The following LGSN variants were observed in gnomAD, a reference collection of about 807,000 sequenced individuals.
LGSN encodes the protein lengsin, lens protein with glutamine synthetase domain.
Under a neutral mutation model 19.5 loss-of-function variants are expected in LGSN, and 21 were observed. The ratio of observed to expected loss-of-function variants is 1.07; its 90% CI spans 0.76 to 1.55. LGSN has a LOEUF of 1.55. Ranked by LOEUF, LGSN falls within the 40% of genes most tolerant of loss-of-function variation. LGSN has a pLI of 0.00. For synonymous variants in LGSN, 257 were observed against 215.6 expected, an observed-to-expected ratio of 1.19 and a Z score of -1.68; for missense variants, 673 against 608.5, an observed-to-expected ratio of 1.11 and a Z score of -1.12.
chr6:63,500,921 T>C, the LGSN span, among the ~76,000 whole-genome samples: 4 of 151,590 alleles, frequency 2.6e-5, no homozygotes, highest in African/African-American at 9.7e-5. Context: ...AGAGAAGGGA[T>C]TTTGCCATGT....
chr6:63,293,618 C>T (rs377671434), intron 2 of LGSN: 3 of 405,386 alleles, frequency 7.4e-6, no homozygotes, highest in Non-Finnish European at 1.5e-5. Context: ...GGGTTAGTGG[C>T]TAGAACCACA....
At chr6:63,351,299 GCTTT>G in the LGSN span, among the ~76,000 whole-genome samples, 448 of 152,194 alleles carry the variant, frequency 2.9e-3, 3 homozygotes, top group African/African-American at 0.01. Context: ...AGTTTATGGT[GCTTT>G]CTAATAGCAG....
intron 1 of LGSN, 31 bp from the exon 2 acceptor site, chr6:63,295,076 T>C (rs1562010825): frequency 2.5e-6 from 4 of 1,595,166 alleles, no homozygotes; most frequent in Non-Finnish European, 3.4e-6. Context: ...AAAAGCCAAA[T>C]AACAGATTAT....
the LGSN span, among the ~76,000 whole-genome samples, chr6:63,563,778 A>G: frequency 1.3e-5 from 2 of 152,208 alleles, no homozygotes; most frequent in Non-Finnish European, 2.9e-5. Context: ...AAGTGAGTCC[A>G]GGAGGCCCTA....
rs1179087040 is a variant in LGSN at position 63,279,990 on chromosome 6, C to T, written c.*31G>A. 3.3e-6 allele frequency: 5 copies of T among 1,513,926 alleles called. No individual in the cohort carries two copies. The highest frequency in any genetic ancestry group is 4.4e-6 in the Non-Finnish European group (5 of 1,129,328). The allele number at this position is 1,513,926 out of a possible 1,614,324, so 93.8% of individuals were successfully genotyped here. A position where few individuals can be genotyped will look rare whatever the true frequency, so the allele number is the denominator to read the frequency against. ...GTAGATTAGCTTTAAGTAACAATTA[C>T]ATGTCTAAAGGAGTAGTTGTGAGCT... On this transcript the variant is annotated 3_prime_UTR_variant, in exon 4 of 4. Transcript: ENST00000370657.
At chr6:63,533,371 G>C in the LGSN span, among the ~76,000 whole-genome samples, 1 of 152,104 alleles carries the variant, frequency 6.6e-6, no homozygotes, top group South Asian at 2.1e-4. Flanking sequence ...CACAGAGCAA[G>C]ACTGTTTCTC....
At chr6:63,479,514 C>G in the LGSN span, among the ~76,000 whole-genome samples, 3 of 151,784 alleles carry the variant, frequency 2.0e-5, no homozygotes, top group Non-Finnish European at 4.4e-5. Context: ...CCGAGGCTGG[C>G]GGATCTCGAG....
chr6:63,412,779 G>A, the LGSN span, among the ~76,000 whole-genome samples: 234 of 115,674 alleles, frequency 2.0e-3, 2 homozygotes, highest in Non-Finnish European at 3.0e-3. Context: ...AAGGAAGGAA[G>A]GGAAGGAAGG....
the LGSN span, among the ~76,000 whole-genome samples, chr6:63,429,849 T>G: frequency 1.3e-5 from 2 of 152,156 alleles, no homozygotes; most frequent in South Asian, 4.1e-4. Context: ...ACACTTGGCA[T>G]GTTGTCCTTT....
chr6:63,547,615 C>T, the LGSN span, among the ~76,000 whole-genome samples: 3 of 150,410 alleles, frequency 2.0e-5, no homozygotes, highest in South Asian at 2.1e-4. Flanking sequence ...ATTCCATTCT[C>T]CTGCCTCAGC....
chr6:63,570,327 T>A, the LGSN span, among the ~76,000 whole-genome samples: 1 of 152,304 alleles, frequency 6.6e-6, no homozygotes, highest in East Asian at 1.9e-4. Context: ...CAAGACTCCA[T>A]CTCAAATAAA....
chr6:63,465,587 C>T, the LGSN span, among the ~76,000 whole-genome samples: 17 of 152,068 alleles, frequency 1.1e-4, no homozygotes, highest in Admixed American at 4.6e-4. Flanking sequence ...TACAAAAATC[C>T]GGCCTTAGTT....
the LGSN span, among the ~76,000 whole-genome samples, chr6:63,477,275 G>A: frequency 6.6e-6 from 1 of 152,152 alleles, no homozygotes; most frequent in Non-Finnish European, 1.5e-5. Context: ...AGAACAGTTA[G>A]TTTTATGTCA....
At chr6:63,419,305 C>T in the LGSN span, among the ~76,000 whole-genome samples, 6 of 152,114 alleles carry the variant, frequency 3.9e-5, no homozygotes, top group South Asian at 4.1e-4. Context: ...ACTAATAAGG[C>T]GTCTGGTTGC....
chr6:63,552,384 T>C, the LGSN span, among the ~76,000 whole-genome samples: 1 of 152,204 alleles, frequency 6.6e-6, no homozygotes, highest in Non-Finnish European at 1.5e-5. Context: ...TGGGGTTGTT[T>C]GTTTTTTTCT....
At chr6:63,474,138 T>C in the LGSN span, among the ~76,000 whole-genome samples, 4 of 152,340 alleles carry the variant, frequency 2.6e-5, no homozygotes, top group African/African-American at 9.6e-5. Context: ...TAGGTAGAAC[T>C]GGGTGACAAT....
At chr6:63,529,743 C>T in the LGSN span, among the ~76,000 whole-genome samples, 1 of 152,160 alleles carries the variant, frequency 6.6e-6, no homozygotes, top group Non-Finnish European at 1.5e-5. Flanking sequence ...GTTCATCATC[C>T]TATCAGCCAA....
At chr6:63,415,436 T>C in the LGSN span, among the ~76,000 whole-genome samples, 1 of 152,104 alleles carries the variant, frequency 6.6e-6, no homozygotes, top group Non-Finnish European at 1.5e-5. Flanking sequence ...ACAATTATAG[T>C]GGAAGGCAAA....
At chr6:63,317,999 T>G (rs1415816217) in intron 1 of LGSN, among the ~76,000 whole-genome samples, 2 of 152,160 alleles carry the variant, frequency 1.3e-5, no homozygotes, top group African/African-American at 2.4e-5. Flanking sequence ...TTCACTCAAT[T>G]TCACAATTTC....
Sources: gnomAD v4.1 joint callset for allele counts (sites outside exome capture counted in the v4.1 genomes callset) on GRCh38, gnomAD v4.1.1 for gene constraint, MANE v1.5 for transcripts, NCBI Gene and HGNC (gene_info 2026-07-23, HGNC 2026-07-21) for gene names.